Variants in FAM72B observed in about 807,000 individuals in gnomAD.
FAM72B encodes the protein protein FAM72B.
In FAM72B, 4 loss-of-function variants were observed where a neutral mutation model predicts 12.6. That is an observed-to-expected ratio of 0.32 (90% CI 0.16 to 0.73). The LOEUF (loss-of-function observed/expected upper bound fraction) is 0.73. FAM72B is among the 30% of genes least tolerant of loss of function. The pLI is 0.67. For missense variants in FAM72B, 61 were observed against 158.4 expected, an observed-to-expected ratio of 0.39 and a Z score of 3.30; for synonymous variants, 13 against 53.9, an observed-to-expected ratio of 0.24 and a Z score of 3.32.
intron 3 of FAM72B, among the ~76,000 whole-genome samples, chr1:121,175,957 TAC>T (rs1299522368): frequency 6.7e-6 from 1 of 150,204 alleles, no homozygotes; most frequent in Non-Finnish European, 1.5e-5. Flanking sequence ...CATCACATGC[TAC>T]AGAGAAATCT....
chr1:121,168,778 T>A lies in FAM72B; in HGVS notation c.413A>T (p.Asp138Val). 1 of 1,605,284 alleles carries A rather than the reference T, an allele frequency of 6.2e-7. No individual in the cohort carries two copies. Among genetic ancestry groups the A allele is most frequent in the Non-Finnish European group, 8.5e-7 (1 of 1,177,886 alleles). The change falls in exon 4 of 4, where the codon GAT becomes GTT. Residue 138 changes from aspartate to valine, a missense_variant. Transcript: ENST00000369390. ...CTCCTCTGCTGAGATATTTAACACATCTTCATCTGTACTCTCTTCTATCTC... is the reference window on the plus strand; with the variant it reads ...CTCCTCTGCTGAGATATTTAACACAACTTCATCTGTACTCTCTTCTATCTC... Reference protein sequence around the residue: ...LPEIEESTDEDVLNISAEECI... With the variant: ...LPEIEESTDEVVLNISAEECI...
chr1:121,168,943 G>A (rs1161388100), intron 3 of FAM72B, 108 bp from the exon 4 acceptor site: 1 of 587,250 alleles, frequency 1.7e-6, no homozygotes, highest in African/African-American at 1.9e-5. Context: ...CATAGTGTTA[G>A]CAGTAAAAAG....
At chr1:121,173,277 T>C (rs9777745) in intron 3 of FAM72B, among the ~76,000 whole-genome samples, 299 of 136,808 alleles carry the variant, frequency 2.2e-3, no homozygotes, top group South Asian at 4.1e-3. Flanking sequence ...CTCCACCTCC[T>C]AGGTTCAAGG....
rs1654028333 is a variant in FAM72B at position 121,168,835 on chromosome 1, C to A, written c.356G>T (p.Gly119Val). 1.9e-6 allele frequency: 3 copies of A among 1,605,306 alleles called. No homozygotes were observed. The highest frequency in any genetic ancestry group is 1.7e-6 in the Non-Finnish European group (2 of 1,178,086). The change falls in exon 4 of 4, where the codon GGT becomes GTT. Residue 119 changes from glycine to valine, a missense_variant and splice_region_variant. By Grantham distance (109) the Gly-to-Val change is moderately radical. Around this residue, in one of 2 missense-constraint regions of FAM72B, gnomAD observed 49 missense variants for 80.4 expected, o/e 0.61. Transcript: ENST00000369390. Reference sequence around the variant, plus strand: ...GTTGCCCCAAAGTAGGATGTTTACACCTGAAAATAAAAAATCATAAAATTC... The same window carrying A: ...GTTGCCCCAAAGTAGGATGTTTACAACTGAAAATAAAAAATCATAAAATTC... ...VYDINRLDST[G>V]VNILLWGNLP...
intron 3 of FAM72B, among the ~76,000 whole-genome samples, chr1:121,175,035 G>T (rs1427195130): frequency 2.0e-5 from 3 of 151,842 alleles, no homozygotes; most frequent in Non-Finnish European, 4.4e-5. Flanking sequence ...GTAATACTTG[G>T]CTTCAAAGCT....
At position 121,183,725 on chromosome 1, in the gene FAM72B, G is replaced by A; in HGVS notation, c.-236C>T. ...AAACTTGGCTTTCCTTTTAACTTTT[G>A]GAGAAGGGAGTGGAGTTTGAATTGG... On this transcript the variant is annotated 5_prime_UTR_variant, in exon 1 of 4. Transcript: ENST00000369390. 7.5e-6 allele frequency: 3 copies of A among 397,376 alleles called. No individual in the cohort carries two copies. The highest frequency in any genetic ancestry group is 6.8e-5 in the South Asian group (3 of 44,402). 24.6% of individuals were successfully genotyped at this position (397,376 alleles called of 1,614,324 possible). A position where few individuals can be genotyped will look rare whatever the true frequency, so the allele number is the denominator to read the frequency against.
At chr1:121,176,196 G>T (rs1654209154) in intron 3 of FAM72B, among the ~76,000 whole-genome samples, 1 of 148,636 alleles carries the variant, frequency 6.7e-6, no homozygotes, top group South Asian at 2.1e-4. Flanking sequence ...TTGAGACAGG[G>T]TCTCATATTG....
intron 1 of FAM72B, among the ~76,000 whole-genome samples, chr1:121,182,109 C>G (rs1471956678): frequency 6.6e-6 from 1 of 152,112 alleles, no homozygotes; most frequent in Admixed American, 6.5e-5. Flanking sequence ...AAGCAGTGGA[C>G]AATGAATCAC....
At chr1:121,170,157 G>C (rs1160163007) in intron 3 of FAM72B, among the ~76,000 whole-genome samples, 2 of 150,938 alleles carry the variant, frequency 1.3e-5, no homozygotes, top group Non-Finnish European at 3.0e-5. Flanking sequence ...TTTTAGTAGA[G>C]ATGGGGTTTC....
At chr1:121,180,857 A>G (rs1570684383) in intron 2 of FAM72B, among the ~76,000 whole-genome samples, 1 of 152,160 alleles carries the variant, frequency 6.6e-6, no homozygotes, top group African/African-American at 2.4e-5. Context: ...AGACCCCTCT[A>G]AAAACAAAGA....
intron 3 of FAM72B, among the ~76,000 whole-genome samples, chr1:121,175,225 A>G (rs1369169417): frequency 6.6e-6 from 1 of 152,170 alleles, no homozygotes; most frequent in Non-Finnish European, 1.5e-5. Context: ...TGTTTACAGC[A>G]TGTTTTACTA....
At chr1:121,176,752 G>A (rs1315162573) in intron 3 of FAM72B, among the ~76,000 whole-genome samples, 31 of 151,708 alleles carry the variant, frequency 2.0e-4, no homozygotes, top group East Asian at 3.9e-4. Context: ...CATAGATGTC[G>A]AAATGTCTGT....
At chr1:121,174,659 G>A (rs1340899200) in intron 3 of FAM72B, among the ~76,000 whole-genome samples, 5 of 150,014 alleles carry the variant, frequency 3.3e-5, no homozygotes, top group African/African-American at 4.9e-5. Context: ...GAGCCACCGC[G>A]CCCGGCCTCT....
intron 3 of FAM72B, among the ~76,000 whole-genome samples, chr1:121,176,773 A>G (rs1654223323): frequency 6.6e-6 from 1 of 152,082 alleles, no homozygotes; most frequent in African/African-American, 2.4e-5. Flanking sequence ...TTTTATTCTG[A>G]AGCATCACTA....
chr1:121,176,104 C>T, intron 3 of FAM72B, among the ~76,000 whole-genome samples: 1 of 129,694 alleles, frequency 7.7e-6, no homozygotes, highest in South Asian at 2.6e-4. Context: ...GCAAGACCCT[C>T]CACCAGCAAA....
Position 121,183,534 on chromosome 1 carries a change from A to G in FAM72B, c.-45T>C. 4 of 1,600,552 alleles carry G rather than the reference A, an allele frequency of 2.5e-6. No homozygotes were observed. The highest frequency in any genetic ancestry group is 3.4e-6 in the Non-Finnish European group (4 of 1,174,490). On this transcript the variant is annotated 5_prime_UTR_variant, in exon 1 of 4. Transcript: ENST00000369390. Reference sequence around the variant, plus strand: ...GGTGTGGGATTTTGAAAAAGGAAACAAGAGTAATGCTCCTACTATTTTGAT... The same window carrying G: ...GGTGTGGGATTTTGAAAAAGGAAACGAGAGTAATGCTCCTACTATTTTGAT...
chr1:121,180,870 G>A (rs1570684392), intron 2 of FAM72B, among the ~76,000 whole-genome samples: 2 of 152,204 alleles, frequency 1.3e-5, no homozygotes, highest in East Asian at 3.9e-4. Flanking sequence ...AACAAAGAAA[G>A]GAGTAATAAC....
In FAM72B at chr1:121,168,528, G is replaced by T; in HGVS notation, c.*213C>A. The T allele has an allele frequency of 4.5e-6, 2 of 449,172 alleles. No individual in the cohort carries two copies. The highest frequency in any genetic ancestry group is 4.0e-6 in the Non-Finnish European group (1 of 250,646). 27.8% of individuals were successfully genotyped at this position (449,172 alleles called of 1,614,324 possible). On this transcript the variant is annotated 3_prime_UTR_variant, in exon 4 of 4. Transcript: ENST00000369390. Reference sequence around the variant, plus strand: ...ACACCTACACTGGGCAGAAAAAGGTGGGGGAGAGGAAGTAGAAGTAGAGGA... The same window carrying T: ...ACACCTACACTGGGCAGAAAAAGGTTGGGGAGAGGAAGTAGAAGTAGAGGA...
rs781863627 is a variant in FAM72B, at chr1:121,168,755, C to T, written c.436G>A (p.Glu146Lys). The T allele has an allele frequency of 5.6e-6, 9 of 1,593,232 alleles. No individual in the cohort carries two copies. The South Asian group carries it at 9.2e-5, about 16-fold the overall frequency. The change falls in exon 4 of 4, where the codon GAG becomes AAG. Residue 146 changes from glutamate to lysine, a missense_variant. Physicochemically the swap from Glu to Lys is moderately conservative, Grantham distance 56. Transcript: ENST00000369390. Reference sequence around the variant, plus strand: ...CATAATTCCATTTATCTAATACACTCCTCTGCTGAGATATTTAACACATCT... The same window carrying T: ...CATAATTCCATTTATCTAATACACTTCTCTGCTGAGATATTTAACACATCT... Reference protein sequence around the residue: ...DEDVLNISAEECIR With the variant: ...DEDVLNISAEKCIR
Sources: allele counts gnomAD v4.1 joint callset (sites outside exome capture counted in the v4.1 genomes callset), GRCh38; gene constraint gnomAD v4.1.1; regional missense constraint gnomAD v4.1.1; transcripts MANE v1.5; gene names NCBI Gene and HGNC (gene_info 2026-07-23, HGNC 2026-07-21).